The following INPP4B variants were observed in gnomAD, a reference collection of about 807,000 sequenced individuals.
INPP4B encodes the protein inositol polyphosphate-4-phosphatase type II B, also known as inositol polyphosphate 4-phosphatase type II.
A neutral mutation model predicts 122.5 loss-of-function variants in INPP4B; 55 were observed. That is an observed-to-expected ratio of 0.45 (90% CI 0.36 to 0.56). INPP4B has a LOEUF of 0.56. Ranked by LOEUF, INPP4B falls within the 20% of genes least tolerant of loss-of-function variation. The pLI is 0.00. For missense variants in INPP4B, 1,000 were observed against 1,097.7 expected (o/e 0.91, Z 1.26); for synonymous variants, 403 against 388.7 (o/e 1.04, Z -0.43).
intron 7 of INPP4B, among the ~76,000 whole-genome samples, chr4:142,323,337 T>C (rs1179863284): frequency 2.6e-5 from 4 of 152,122 alleles, no homozygotes; most frequent in Non-Finnish European, 2.9e-5. Flanking sequence ...GAAGCTCTGG[T>C]TTGGAAGAAT....
At chr4:142,375,428 T>C (rs1348549419) in intron 7 of INPP4B, among the ~76,000 whole-genome samples, 1 of 151,904 alleles carries the variant, frequency 6.6e-6, no homozygotes, top group Non-Finnish European at 1.5e-5. Context: ...ATCACTTCTG[T>C]AAGGATGCCT....
At chr4:142,650,127 GAGA>G (rs745998147) in intron 2 of INPP4B, among the ~76,000 whole-genome samples, 2 of 152,174 alleles carry the variant, frequency 1.3e-5, no homozygotes, top group Non-Finnish European at 2.9e-5. Flanking sequence ...AGCTTCATAA[GAGA>G]AGGAGAAATA....
chr4:142,634,170 T>G (rs893129052), intron 2 of INPP4B, among the ~76,000 whole-genome samples: 7 of 152,126 alleles, frequency 4.6e-5, no homozygotes, highest in African/African-American at 1.7e-4. Context: ...AAATAGATAA[T>G]CTGAATAATC....
chr4:142,581,818 C>T (rs1467994387), intron 2 of INPP4B, among the ~76,000 whole-genome samples: 2 of 151,872 alleles, frequency 1.3e-5, no homozygotes. Flanking sequence ...TGATAAGACT[C>T]CTATACCATC....
intron 11 of INPP4B, among the ~76,000 whole-genome samples, chr4:142,257,014 A>G (rs556628679): frequency 2.0e-5 from 3 of 152,358 alleles, no homozygotes; most frequent in Admixed American, 6.5e-5. Context: ...ACCATGATCA[A>G]GTGGGTTTCA....
chr4:142,305,464 C>G lies in INPP4B; in HGVS notation c.497G>C (p.Ser166Thr). The change falls in exon 9 of 26, where the codon AGC becomes ACC. Residue 166 changes from serine (S) to threonine (T), a missense_variant. By Grantham distance (58) the Ser-to-Thr change is moderately conservative. Transcript: ENST00000262992. ...LKSKEQLLVL[S>T]LRTSDGGKVV... ...TACAAACAAAGAGACCCACCTCAGGCTCAGGACCAGCAATTGCTCCTTTGA... is the reference window on the plus strand; with the variant it reads ...TACAAACAAAGAGACCCACCTCAGGGTCAGGACCAGCAATTGCTCCTTTGA... 1 of 1,612,074 alleles carries G rather than the reference C, an allele frequency of 6.2e-7. No individual in the cohort carries two copies. The highest frequency in any genetic ancestry group is 8.5e-7 in the Non-Finnish European group (1 of 1,178,672).
At chr4:142,398,401 A>AATATATATAT (rs1206023677) in intron 7 of INPP4B, among the ~76,000 whole-genome samples, 16 of 28,462 alleles carry the variant, frequency 5.6e-4, no homozygotes, top group South Asian at 4.5e-3. Flanking sequence ...AAAAAAAAAA[A>AATATATATAT]ATATATATAT....
intron 2 of INPP4B, among the ~76,000 whole-genome samples, chr4:142,657,690 T>C (rs946934881): frequency 2.6e-5 from 4 of 152,220 alleles, no homozygotes; most frequent in Non-Finnish European, 5.9e-5. Context: ...TGGAAATTAA[T>C]CTTTCAGAAG....
chr4:142,529,881 G>A (rs548483976), intron 2 of INPP4B, among the ~76,000 whole-genome samples: 1 of 151,952 alleles, frequency 6.6e-6, no homozygotes, highest in African/African-American at 2.4e-5. Context: ...CCAAAGTTCT[G>A]CACTCACAAA....
At chr4:142,607,214 ATAAT>A (rs1404668914) in intron 2 of INPP4B, among the ~76,000 whole-genome samples, 1 of 152,084 alleles carries the variant, frequency 6.6e-6, no homozygotes, top group East Asian at 1.9e-4. Context: ...TAGATATTCA[ATAAT>A]TAAATTAATC....
chr4:142,260,981 T>C (rs928648135), intron 10 of INPP4B, among the ~76,000 whole-genome samples: 4 of 152,180 alleles, frequency 2.6e-5, no homozygotes, highest in Non-Finnish European at 5.9e-5. Context: ...AAAGACAAAA[T>C]ATGTTGACGC....
At chr4:142,451,990 G>T (rs1052135050) in intron 3 of INPP4B, among the ~76,000 whole-genome samples, 8 of 152,124 alleles carry the variant, frequency 5.3e-5, no homozygotes, top group Admixed American at 2.6e-4. Context: ...TGCCATGTTG[G>T]TTTGCTGCAC....
chr4:142,143,535 C>T (rs576897695), intron 18 of INPP4B, among the ~76,000 whole-genome samples: 126 of 152,022 alleles, frequency 8.3e-4, no homozygotes, highest in Admixed American at 2.1e-3. Flanking sequence ...TGAGACATCA[C>T]GGTGAACCCC....
intron 1 of INPP4B, among the ~76,000 whole-genome samples, chr4:142,818,942 C>T (rs145458300): frequency 1.5e-3 from 221 of 152,272 alleles, no homozygotes; most frequent in Middle Eastern, 6.8e-3. Context: ...GCCAAGAGGA[C>T]AAGCACTTTT....
chr4:142,231,100 C>A (rs1854146561), intron 12 of INPP4B, among the ~76,000 whole-genome samples: 1 of 152,152 alleles, frequency 6.6e-6, no homozygotes. Flanking sequence ...TGTGTATGTA[C>A]CATCTCAAAT....
chr4:142,114,978 A>G (rs1020587973), intron 21 of INPP4B, among the ~76,000 whole-genome samples: 1 of 152,100 alleles, frequency 6.6e-6, no homozygotes, highest in Non-Finnish European at 1.5e-5. Flanking sequence ...GACCTGATGG[A>G]GCTGAAAACC....
intron 1 of INPP4B, among the ~76,000 whole-genome samples, chr4:142,787,395 C>G (rs1775910055): frequency 6.6e-6 from 1 of 152,044 alleles, no homozygotes; most frequent in Non-Finnish European, 1.5e-5. Flanking sequence ...CATATGCTTG[C>G]CTTCCACCAT....
At chr4:142,478,281 A>G (rs3913165) in intron 2 of INPP4B, among the ~76,000 whole-genome samples, 29,258 of 151,946 alleles carry the variant, frequency 0.19, 3,357 homozygotes, top group East Asian at 0.43. Context: ...TCTCTTACTT[A>G]TTGCTCTGAC....
chr4:142,049,567 T>C (rs1229736314), intron 25 of INPP4B, among the ~76,000 whole-genome samples: 7 of 152,004 alleles, frequency 4.6e-5, no homozygotes, highest in African/African-American at 1.7e-4. Flanking sequence ...TATGACTGTA[T>C]AGGTTAAGCG....
Sources: gnomAD v4.1 joint callset for allele counts (sites outside exome capture counted in the v4.1 genomes callset) on GRCh38, gnomAD v4.1.1 for gene constraint, MANE v1.5 for transcripts, NCBI Gene and HGNC (gene_info 2026-07-23, HGNC 2026-07-21) for gene names.